The following RBFOX2 variants were observed in gnomAD, a reference collection of about 807,000 sequenced individuals.
RBFOX2 encodes RNA binding fox-1 homolog 2.
Under a neutral mutation model 49.1 loss-of-function variants are expected in RBFOX2, and 10 were observed. The observed-to-expected ratio is 0.20, with a 90% CI of 0.13 to 0.35. The LOEUF (loss-of-function observed/expected upper bound fraction) is 0.35. RBFOX2 is among the 10% of genes least tolerant of loss of function. The pLI, the probability that RBFOX2 is intolerant of heterozygous loss-of-function variation, is 1.00. For synonymous variants in RBFOX2, 183 were observed against 187.4 expected (o/e 0.98, Z 0.19); for missense variants, 323 against 486.9 (o/e 0.66, Z 3.17).
intron 1 of RBFOX2, among the ~76,000 whole-genome samples, chr22:35,849,823 C>G (rs1244222360): frequency 6.6e-6 from 1 of 152,082 alleles, no homozygotes; most frequent in Non-Finnish European, 1.5e-5. Context: ...CAGGATTTGA[C>G]AATACACAGA....
chr22:35,777,931 T>C, intron 4 of RBFOX2, 94 bp downstream of exon 5: 1 of 1,297,914 alleles, frequency 7.7e-7, no homozygotes, highest in Non-Finnish European at 1.1e-6. Context: ...TATGCAGGCT[T>C]GAAAACAGCT....
Position 35,791,569 on chromosome 22 carries a change from A to G in RBFOX2, c.253-9823T>C, listed in dbSNP as rs575013615. Among the ~76,000 whole-genome samples the G allele has an allele frequency of 2.0e-5, 3 of 152,362 alleles. No individual in the cohort carries two copies. In the South Asian group the frequency reaches 6.2e-4, roughly 32 times the overall value. On this transcript the variant is annotated intron_variant, in intron 2 of 11. Transcript: ENST00000405409. ...AAACTTAGAAAGAGACTGAAAGTAC[A>G]TTCATTTCAAATTATTGGTTTGATG...
intron 1 of RBFOX2, among the ~76,000 whole-genome samples, chr22:35,944,904 C>A (rs1279587333): frequency 1.3e-5 from 2 of 151,784 alleles, no homozygotes; most frequent in African/African-American, 4.8e-5. Context: ...AGTGAAACCC[C>A]ATCTATACCA....
At chr22:35,864,444 A>C (rs1029358682) in intron 1 of RBFOX2, among the ~76,000 whole-genome samples, 1 of 152,190 alleles carries the variant, frequency 6.6e-6, no homozygotes, top group Non-Finnish European at 1.5e-5. Flanking sequence ...ACCACCACCC[A>C]ATAACTAGAG....
chr22:35,956,290 T>C (rs1284778534), intron 1 of RBFOX2, among the ~76,000 whole-genome samples: 1 of 152,198 alleles, frequency 6.6e-6, no homozygotes, highest in Non-Finnish European at 1.5e-5. Context: ...AAAACTCTAG[T>C]TTTTGCTTGA....
At chr22:35,919,102 A>C (rs764439032) in intron 1 of RBFOX2, among the ~76,000 whole-genome samples, 1 of 152,270 alleles carries the variant, frequency 6.6e-6, no homozygotes, top group Non-Finnish European at 1.5e-5. Context: ...CATTATGCTA[A>C]GTGAAAGAAG....
chr22:35,809,835 T>A, exon 2 of RBFOX2: 1 of 1,614,128 alleles, frequency 6.2e-7, no homozygotes, highest in African/African-American at 1.3e-5. Context: ...CCCGTGGGCT[T>A]GCGTACTTCC....
At chr22:36,015,701 C>A (rs2059007237) in intron 1 of RBFOX2, among the ~76,000 whole-genome samples, 1 of 152,090 alleles carries the variant, frequency 6.6e-6, no homozygotes, top group Non-Finnish European at 1.5e-5. Flanking sequence ...GGATAGCGAC[C>A]TCATTTGCAG....
intron 9 of RBFOX2, among the ~76,000 whole-genome samples, chr22:35,752,817 A>G (rs1004196702): frequency 5.9e-5 from 9 of 152,214 alleles, no homozygotes; most frequent in Non-Finnish European, 1.0e-4. Flanking sequence ...ACCCATTTAA[A>G]AAGTGAATTA....
chr22:35,881,902 T>G (rs953977694), intron 1 of RBFOX2, among the ~76,000 whole-genome samples: 8 of 147,566 alleles, frequency 5.4e-5, no homozygotes, highest in Non-Finnish European at 1.0e-4. Flanking sequence ...GAGGTTGCAG[T>G]GAGCCAAGAT....
At chr22:36,013,652 G>A (rs1046049285) in intron 1 of RBFOX2, among the ~76,000 whole-genome samples, 2 of 150,484 alleles carry the variant, frequency 1.3e-5, no homozygotes, top group South Asian at 4.3e-4. Context: ...CACACACAGA[G>A]AGAGAGAGAG....
At chr22:35,826,983 T>C (rs997541500) in intron 1 of RBFOX2, among the ~76,000 whole-genome samples, 1 of 152,210 alleles carries the variant, frequency 6.6e-6, no homozygotes, top group Non-Finnish European at 1.5e-5. Flanking sequence ...GGGGGATTAC[T>C]TTACTTAGAT....
upstream of RBFOX2, among the ~76,000 whole-genome samples, chr22:35,939,887 GA>G (rs989399321): frequency 2.0e-5 from 3 of 152,180 alleles, no homozygotes; most frequent in Non-Finnish European, 2.9e-5. Context: ...GCTTTCAAGG[GA>G]ACTTTTAAAT....
In RBFOX2 at chr22:35,898,340, G is replaced by A; in HGVS notation, c.-34+40507C>T. 4.4e-6 allele frequency: 3 copies of A among 684,302 alleles called. No individual in the cohort carries two copies. In the South Asian group the frequency reaches 4.5e-5, roughly 10 times the overall value. 42.4% of individuals were successfully genotyped at this position (684,302 alleles called of 1,614,324 possible). Reference sequence around the variant, plus strand: ...GCTGTGACACACGGATGTGGCTATTGCAGTAATGGCAGAATGTGACATTGG... The same window carrying A: ...GCTGTGACACACGGATGTGGCTATTACAGTAATGGCAGAATGTGACATTGG... On this transcript the variant is annotated intron_variant, in intron 1 of 13. Transcript: ENST00000359369.
rs118046547 is a variant in RBFOX2 at position 36,027,513 on chromosome 22, A to G, written c.186+727T>C. Among the ~76,000 whole-genome samples the G allele has an allele frequency of 9.2e-5, 14 of 152,190 alleles. No individual in the cohort carries two copies. The East Asian group carries it at 2.7e-3, about 29-fold the overall frequency. ...GAATCCAGTCTTCTAATAGCCCTAT[A>G]AAAAAATTTTTTTTATAGCCCGGGA... On this transcript the variant is annotated intron_variant, in intron 1 of 13. Transcript: ENST00000438146.
upstream of RBFOX2, among the ~76,000 whole-genome samples, chr22:35,845,570 C>T (rs188155623): frequency 2.0e-3 from 303 of 152,244 alleles, no homozygotes; most frequent in Non-Finnish European, 3.2e-3. Flanking sequence ...AAATTTAATT[C>T]ACAAATTACT....
At chr22:35,986,038 C>A (rs955328793) in intron 1 of RBFOX2, among the ~76,000 whole-genome samples, 1 of 152,064 alleles carries the variant, frequency 6.6e-6, no homozygotes, top group African/African-American at 2.4e-5. Flanking sequence ...ATGAAAAGAC[C>A]AATTCTAACC....
At chr22:35,792,989 C>A (rs890731509) in intron 2 of RBFOX2, among the ~76,000 whole-genome samples, 1 of 152,186 alleles carries the variant, frequency 6.6e-6, no homozygotes, top group Non-Finnish European at 1.5e-5. Context: ...GTCTCAAACT[C>A]CTGGGCTCAA....
At chr22:35,771,381 T>C (rs1378559783) in intron 4 of RBFOX2, among the ~76,000 whole-genome samples, 1 of 152,138 alleles carries the variant, frequency 6.6e-6, no homozygotes, top group Non-Finnish European at 1.5e-5. Context: ...CCAAGAAATG[T>C]GGGCAGCCTC....
Sources: gnomAD v4.1 joint callset for allele counts (sites outside exome capture counted in the v4.1 genomes callset) on GRCh38, gnomAD v4.1.1 for gene constraint, MANE v1.5 for transcripts, NCBI Gene and HGNC (gene_info 2026-07-23, HGNC 2026-07-21) for gene names.